Variants in MYO5C observed in about 807,000 individuals in gnomAD.
MYO5C encodes the protein unconventional myosin-Vc.
In MYO5C, 194 loss-of-function variants were observed where a neutral mutation model predicts 235.7. That is an observed-to-expected ratio of 0.82 (90% confidence interval 0.73 to 0.93). The LOEUF (loss-of-function observed/expected upper bound fraction) is 0.93. Ranked by LOEUF, MYO5C falls within the 40% of genes least tolerant of loss-of-function variation. MYO5C has a pLI of 0.00. For synonymous variants in MYO5C, 707 were observed against 754.8 expected, an observed-to-expected ratio of 0.94 and a Z score of 1.04; for missense variants, 2,038 against 2,127.2, an observed-to-expected ratio of 0.96 and a Z score of 0.82.
chr15:52,213,834 A>AG (rs1165201185), intron 33 of MYO5C, among the ~76,000 whole-genome samples: 18 of 152,342 alleles, frequency 1.2e-4, no homozygotes, highest in African/African-American at 4.3e-4. Context: ...GTGGGGATGC[A>AG]GCGGGGGCTG....
At position 52,235,654 on chromosome 15, in the gene MYO5C, G is replaced by T; in HGVS notation, c.2962+16C>A. 6.3e-7 allele frequency: 1 copy of T among 1,581,274 alleles called. No individual in the cohort carries two copies. Among genetic ancestry groups the T allele is most frequent in the Non-Finnish European group, 8.6e-7 (1 of 1,157,626 alleles). ...TAAATCAGTGAATGTCTGGATTTGT[G>T]CCCCCCAAGCTTTACCTTTTAACTC... On this transcript the variant is annotated intron_variant, in intron 23 of 40. Coordinates refer to ENST00000261839, the MANE Select transcript of MYO5C (RefSeq NM_018728.4).
At chr15:52,285,880 C>T (rs1439489316) in intron 1 of MYO5C, among the ~76,000 whole-genome samples, 1 of 152,226 alleles carries the variant, frequency 6.6e-6, no homozygotes, top group African/African-American at 2.4e-5. Flanking sequence ...CAGCCTCTGC[C>T]CGGCCGCCAC....
Position 52,204,933 on chromosome 15 carries a change from C to CGGG in MYO5C, c.4751_4752insCCC (p.Gly1584_Ala1585insPro), listed in dbSNP as rs2035271321. 6.2e-7 allele frequency: 1 copy of CGGG among 1,614,112 alleles called. No individual in the cohort carries two copies. The highest frequency in any genetic ancestry group is 8.5e-7 in the Non-Finnish European group (1 of 1,180,052). Reference sequence around the variant, plus strand: ...GGAAGAGGCTGTTCAGCGTGACCGCCCCGATCAAGAAGAAGAGCTGCTTCA... The same window carrying CGGG: ...GGAAGAGGCTGTTCAGCGTGACCGCCGGGCCGATCAAGAAGAAGAGCTGCTTCA... On this transcript the variant is annotated inframe_insertion, in exon 38 of 41. Transcript: ENST00000261839.
At chr15:52,268,455 T>C (rs576630952) in intron 8 of MYO5C, among the ~76,000 whole-genome samples, 238 of 151,346 alleles carry the variant, frequency 1.6e-3, no homozygotes, top group African/African-American at 5.4e-3. Context: ...CCCAGCTACT[T>C]GGGAAGCTGA....
intron 13 of MYO5C, among the ~76,000 whole-genome samples, chr15:52,249,189 T>C (rs971341059): frequency 6.6e-6 from 1 of 152,204 alleles, no homozygotes; most frequent in Non-Finnish European, 1.5e-5. Context: ...TCAACATTAA[T>C]GTGGTAGAAA....
intron 38 of MYO5C, among the ~76,000 whole-genome samples, chr15:52,199,503 T>C (rs1004215201): frequency 6.6e-6 from 1 of 152,096 alleles, no homozygotes; most frequent in Non-Finnish European, 1.5e-5. Flanking sequence ...TCCTTCCAAG[T>C]CAAAAGTGAG....
intron 2 of MYO5C, 109 bp downstream of exon 2, chr15:52,282,673 T>G (rs1294236746): frequency 1.9e-5 from 14 of 745,628 alleles, no homozygotes; most frequent in East Asian, 1.0e-4. Flanking sequence ...TGCCCACTCG[T>G]GCGCCCTCCC....
At chr15:52,286,972 AAAACTAAC>A (rs1031583376) in intron 1 of MYO5C, among the ~76,000 whole-genome samples, 12 of 110,650 alleles carry the variant, frequency 1.1e-4, no homozygotes, top group East Asian at 3.9e-4. Flanking sequence ...AAAAAAAAGA[AAAACTAAC>A]AAACAAACAA....
Position 52,229,273 on chromosome 15 carries a change from C to T in MYO5C, c.3067G>A (p.Glu1023Lys), listed in dbSNP as rs765539884. 1.1e-5 allele frequency: 18 copies of T among 1,614,032 alleles called. No homozygotes were observed. The highest frequency in any genetic ancestry group is 2.2e-5 in the East Asian group (1 of 44,900). ...KSFELKTQDYEKQIQSLKEEI... is the reference protein window; with the variant it reads ...KSFELKTQDYKKQIQSLKEEI... Reference sequence around the variant, plus strand: ...TCTTTCAAAGACTGAATCTGCTTCTCATAGTCTTGTGTTTTCAGTTCAAAA... The same window carrying T: ...TCTTTCAAAGACTGAATCTGCTTCTTATAGTCTTGTGTTTTCAGTTCAAAA... Residue 1023 changes from glutamate (E) to lysine (K), a missense_variant, in exon 25 of 41, where the codon GAG becomes AAG. Transcript: ENST00000261839.
intron 28 of MYO5C, among the ~76,000 whole-genome samples, 154 bp from the exon 29 acceptor site, chr15:52,223,878 T>C (rs916245396): frequency 3.3e-5 from 5 of 152,230 alleles, no homozygotes; most frequent in African/African-American, 1.2e-4. Context: ...GAATCAGGAA[T>C]GCCTAATTAT....
At chr15:52,271,371 GGTGCGTGCCACCACACCCGGT>G (rs2036921734) in intron 7 of MYO5C, among the ~76,000 whole-genome samples, 1 of 152,064 alleles carries the variant, frequency 6.6e-6, no homozygotes, top group Non-Finnish European at 1.5e-5. Flanking sequence ...TGGGACTACA[GGTGCGTGCCACCACACCCGGT>G]TAATTTTTGT....
chr15:52,220,147 G>A (rs79796987), intron 30 of MYO5C, among the ~76,000 whole-genome samples: 6,500 of 152,290 alleles, frequency 0.043, 190 homozygotes, highest in East Asian at 0.11. Flanking sequence ...GTCTTAAACT[G>A]TATCCAGACA....
chr15:52,268,229 T>A (rs1354723007), intron 8 of MYO5C, among the ~76,000 whole-genome samples: 1 of 152,166 alleles, frequency 6.6e-6, no homozygotes, highest in Non-Finnish European at 1.5e-5. Flanking sequence ...GCACTTAGTA[T>A]GAATCGGCGG....
intron 12 of MYO5C, among the ~76,000 whole-genome samples, chr15:52,252,873 A>G (rs1002676429): frequency 3.3e-5 from 5 of 152,308 alleles, no homozygotes; most frequent in South Asian, 4.1e-4. Context: ...AGGCTGGCCT[A>G]CTTCAGAGTT....
At chr15:52,286,021 T>C (rs1000128970) in intron 1 of MYO5C, among the ~76,000 whole-genome samples, 14 of 151,624 alleles carry the variant, frequency 9.2e-5, no homozygotes, top group African/African-American at 3.2e-4. Context: ...TCGTCTGAGA[T>C]GTGGGGAGCG....
At chr15:52,292,894 G>A (rs143340987) in intron 1 of MYO5C, among the ~76,000 whole-genome samples, 56 of 152,358 alleles carry the variant, frequency 3.7e-4, no homozygotes, top group African/African-American at 1.1e-3. Context: ...CAGTGGCAAC[G>A]TGCAAGCAAG....
Position 52,193,743 on chromosome 15 carries a change from A to G in MYO5C, c.*159T>C. The G allele has an allele frequency of 1.4e-6, 1 of 713,700 alleles. No homozygotes were observed. Among genetic ancestry groups the G allele is most frequent in the East Asian group, 2.7e-5 (1 of 36,740 alleles). The allele number at this position is 713,700 out of a possible 1,614,324, so 44.2% of individuals were successfully genotyped here. ...ATTCTTACAAAATTACAGGAGCAGC[A>G]TTGTCACTGTGAGTGAGAGATGATG... On this transcript the variant is annotated 3_prime_UTR_variant, in exon 41 of 41. Transcript: ENST00000261839.
intron 35 of MYO5C, among the ~76,000 whole-genome samples, chr15:52,211,402 C>T (rs767626331): frequency 1.3e-5 from 2 of 152,134 alleles, no homozygotes. Flanking sequence ...TAATTTTTCA[C>T]TCCATTTCAT....
intron 25 of MYO5C, among the ~76,000 whole-genome samples, chr15:52,228,463 C>G (rs4776022): frequency 0.97 from 148,240 of 152,350 alleles, 72,254 homozygotes; most frequent in East Asian, 1. Flanking sequence ...TTTTATATAT[C>G]ATTATGCAGT....
Sources: allele counts gnomAD v4.1 joint callset (sites outside exome capture counted in the v4.1 genomes callset), GRCh38; gene constraint gnomAD v4.1.1; transcripts MANE v1.5; gene names NCBI Gene and HGNC (gene_info 2026-07-23, HGNC 2026-07-21).